The following RAB3C variants were observed in gnomAD, a reference collection of about 807,000 sequenced individuals.
RAB3C encodes ras-related protein Rab-3C.
A neutral mutation model predicts 26.4 loss-of-function variants in RAB3C; 17 were observed. The observed-to-expected ratio is 0.64, with a 90% CI of 0.44 to 0.97. RAB3C has a LOEUF of 0.97. Ranked by LOEUF, RAB3C falls within the 50% of genes least tolerant of loss-of-function variation. RAB3C has a pLI of 0.00. For synonymous variants in RAB3C, 91 were observed against 95.9 expected (o/e 0.95, Z 0.30); for missense variants, 242 against 281.9 (o/e 0.86, Z 1.01).
chr5:58,729,239 T>A (rs1740950778), intron 3 of RAB3C, among the ~76,000 whole-genome samples: 1 of 152,010 alleles, frequency 6.6e-6, no homozygotes, highest in African/African-American at 2.4e-5. Context: ...CTCTTATTTT[T>A]TTCTCATTTC....
chr5:58,743,780 T>C (rs1404147192), intron 3 of RAB3C, among the ~76,000 whole-genome samples: 2 of 152,234 alleles, frequency 1.3e-5, no homozygotes, highest in Admixed American at 1.3e-4. Context: ...TGGATTGCAA[T>C]GTGAGGTCAC....
intron 2 of RAB3C, among the ~76,000 whole-genome samples, chr5:58,685,534 A>G (rs1435718320): frequency 2.0e-5 from 3 of 152,142 alleles, no homozygotes; most frequent in Non-Finnish European, 4.4e-5. Flanking sequence ...TCCTTCTCCC[A>G]AATAAGACCA....
At chr5:58,744,455 G>A (rs777855077) in intron 3 of RAB3C, among the ~76,000 whole-genome samples, 26 of 152,200 alleles carry the variant, frequency 1.7e-4, no homozygotes, top group Non-Finnish European at 3.2e-4. Context: ...ACGATTCATC[G>A]GCAGTGTATG....
At chr5:58,598,988 C>T (rs767535227) in intron 1 of RAB3C, among the ~76,000 whole-genome samples, 6 of 152,230 alleles carry the variant, frequency 3.9e-5, no homozygotes, top group Non-Finnish European at 8.8e-5. Context: ...TTTTCCTTTG[C>T]TCATCTCGCT....
chr5:58,751,655 A>T (rs1009196366), intron 3 of RAB3C, among the ~76,000 whole-genome samples: 4 of 152,224 alleles, frequency 2.6e-5, no homozygotes, highest in Non-Finnish European at 5.9e-5. Context: ...AAGTACATTG[A>T]CATCATAAAA....
At chr5:58,695,381 G>A (rs548999628) in intron 2 of RAB3C, among the ~76,000 whole-genome samples, 17 of 152,186 alleles carry the variant, frequency 1.1e-4, no homozygotes, top group African/African-American at 4.1e-4. Context: ...TGTTCTTTTT[G>A]CTTAGGATTG....
intron 2 of RAB3C, among the ~76,000 whole-genome samples, chr5:58,624,170 G>A (rs1034968763): frequency 1.3e-5 from 2 of 152,104 alleles, no homozygotes; most frequent in Non-Finnish European, 2.9e-5. Context: ...GACATATAAT[G>A]GTAGAGCACG....
chr5:58,654,171 T>C (rs916437805), intron 2 of RAB3C, among the ~76,000 whole-genome samples: 5 of 152,114 alleles, frequency 3.3e-5, no homozygotes, highest in African/African-American at 1.2e-4. Context: ...AATCTAAGGG[T>C]TTCTAAAGCA....
chr5:58,739,843 A>G (rs1741238903), intron 3 of RAB3C, among the ~76,000 whole-genome samples: 1 of 152,180 alleles, frequency 6.6e-6, no homozygotes, highest in African/African-American at 2.4e-5. Context: ...GTATCCTACA[A>G]CCTAATTTTT....
chr5:58,730,859 A>G (rs986035087), intron 3 of RAB3C, among the ~76,000 whole-genome samples: 1 of 152,168 alleles, frequency 6.6e-6, no homozygotes, highest in Non-Finnish European at 1.5e-5. Context: ...AAACGAAAGA[A>G]GTTTAATTGA....
At chr5:58,723,436 CA>C (rs1432974936) in intron 2 of RAB3C, among the ~76,000 whole-genome samples, 1 of 151,836 alleles carries the variant, frequency 6.6e-6, no homozygotes, top group African/African-American at 2.4e-5. Flanking sequence ...AGCTAATTTT[CA>C]GTTCCATTTT....
At chr5:58,732,929 T>G (rs1741057787) in intron 3 of RAB3C, among the ~76,000 whole-genome samples, 1 of 152,190 alleles carries the variant, frequency 6.6e-6, no homozygotes, top group African/African-American at 2.4e-5. Context: ...ACCATATTCC[T>G]TCAACCTTCA....
intron 2 of RAB3C, among the ~76,000 whole-genome samples, chr5:58,711,846 C>T (rs865990604): frequency 3.3e-5 from 5 of 152,122 alleles, no homozygotes; most frequent in Non-Finnish European, 5.9e-5. Context: ...ACCATCCCCT[C>T]GGATACTATA....
At chr5:58,839,027 T>A (rs922305371) in intron 4 of RAB3C, among the ~76,000 whole-genome samples, 1 of 152,132 alleles carries the variant, frequency 6.6e-6, no homozygotes, top group African/African-American at 2.4e-5. Context: ...CTATCCCTGC[T>A]TACTTTTGGT....
intron 2 of RAB3C, among the ~76,000 whole-genome samples, chr5:58,698,795 C>A (rs1748775410): frequency 6.6e-6 from 1 of 152,164 alleles, no homozygotes. Context: ...AAGGTCTTCT[C>A]TACACTGTTT....
chr5:58,775,411 T>C (rs1259495931), intron 3 of RAB3C, among the ~76,000 whole-genome samples: 1 of 151,902 alleles, frequency 6.6e-6, no homozygotes, highest in African/African-American at 2.4e-5. Context: ...ACCTGGCAGG[T>C]TTAATGAAAT....
intron 3 of RAB3C, among the ~76,000 whole-genome samples, chr5:58,756,792 C>T (rs1296139502): frequency 6.6e-6 from 1 of 150,762 alleles, no homozygotes; most frequent in Non-Finnish European, 1.5e-5. Flanking sequence ...TTTATGGCTG[C>T]ACAGTATTCC....
At chr5:58,640,011 G>C (rs973994773) in intron 2 of RAB3C, among the ~76,000 whole-genome samples, 1 of 152,002 alleles carries the variant, frequency 6.6e-6, no homozygotes, top group Non-Finnish European at 1.5e-5. Context: ...TTTTTTAAAT[G>C]TACTAGGGAA....
At chr5:58,678,765 A>G (rs1185050752) in intron 2 of RAB3C, among the ~76,000 whole-genome samples, 1 of 152,168 alleles carries the variant, frequency 6.6e-6, no homozygotes, top group Non-Finnish European at 1.5e-5. Context: ...TCCAATTCCC[A>G]TATAATTGTA....
Sources: allele counts gnomAD v4.1 joint callset (sites outside exome capture counted in the v4.1 genomes callset), GRCh38; gene constraint gnomAD v4.1.1; transcripts MANE v1.5; gene names NCBI Gene and HGNC (gene_info 2026-07-23, HGNC 2026-07-21).